PCDHA5: variants seen among roughly 807,000 people sequenced by gnomAD.
The protein encoded by PCDHA5 is protocadherin alpha-5.
Under a neutral mutation model 61.6 loss-of-function variants are expected in PCDHA5, and 43 were observed. The observed-to-expected ratio is 0.70, with a 90% CI of 0.55 to 0.90. The LOEUF is 0.90. PCDHA5 is among the 40% of genes least tolerant of loss of function. The pLI, the probability that PCDHA5 is intolerant of heterozygous loss-of-function variation, is 0.00. For missense variants in PCDHA5, 1,298 were observed against 1,222.7 expected (o/e 1.06, Z -0.92); for synonymous variants, 627 against 543.9 (o/e 1.15, Z -2.13).
intron 1 of PCDHA5, chr5:140,861,278 C>T (rs572060208): frequency 5.3e-4 from 99 of 185,718 alleles, no homozygotes; most frequent in African/African-American, 2.3e-3. Flanking sequence ...GCACTGGCTT[C>T]TGCTCCTTGA....
intron 1 of PCDHA5, among the ~76,000 whole-genome samples, chr5:140,962,643 T>G (rs1456773642): frequency 6.6e-6 from 1 of 152,222 alleles, no homozygotes; most frequent in Non-Finnish European, 1.5e-5. Context: ...GCCATCAAGT[T>G]ATGTGAAAAC....
chr5:140,964,585 T>C (rs1275209289), intron 1 of PCDHA5, among the ~76,000 whole-genome samples: 1 of 151,992 alleles, frequency 6.6e-6, no homozygotes, highest in Non-Finnish European at 1.5e-5. Flanking sequence ...GGAGGAAAGA[T>C]CACTTTTCAT....
At chr5:140,994,065 T>A (rs1563596985) in intron 3 of PCDHA5, among the ~76,000 whole-genome samples, 1 of 152,092 alleles carries the variant, frequency 6.6e-6, no homozygotes, top group Non-Finnish European at 1.5e-5. Context: ...ATAAATCTAA[T>A]GGTGAAGGGA....
chr5:140,880,407 C>T (rs1198132829), intron 1 of PCDHA5, among the ~76,000 whole-genome samples: 1 of 152,128 alleles, frequency 6.6e-6, no homozygotes, highest in Non-Finnish European at 1.5e-5. Context: ...ATATGGTTGA[C>T]CTTAAAAGCG....
intron 1 of PCDHA5, chr5:140,927,194 T>C (rs2083959275): frequency 1.2e-6 from 2 of 1,614,122 alleles, no homozygotes; most frequent in Non-Finnish European, 1.7e-6. Context: ...GACCTGGTGC[T>C]CGAGGACCCG....
chr5:140,919,957 G>GC (rs2079372992), intron 1 of PCDHA5, among the ~76,000 whole-genome samples: 1 of 148,640 alleles, frequency 6.7e-6, no homozygotes, highest in Non-Finnish European at 1.5e-5. Flanking sequence ...AGTTTGTTTT[G>GC]TTTTTTAAAT....
rs2150121071 is a variant in PCDHA5 at position 140,822,990 on chromosome 5, G to C, written c.1215G>C (p.Ser405=). Residue 405 remains serine (S), a synonymous_variant, in exon 1 of 4, where the codon TCG becomes TCC. Coordinates refer to ENST00000529859, the MANE Select transcript of PCDHA5 (RefSeq NM_018908.3). ...TGTCCACCTTCAAGAATTACTACTC[G>C]TTGGTGCTGGACAGCGCCCTGGACC... ...KLVSTFKNYY[S]LVLDSALDRE... is the part of the protein sequence containing the mutation. The C allele has an allele frequency of 1.2e-6, 2 of 1,614,184 alleles. No homozygotes were observed. Among genetic ancestry groups the C allele is most frequent in the Admixed American group, 1.7e-5 (1 of 60,036 alleles).
chr5:140,901,443 T>C (rs1288584501), intron 1 of PCDHA5, among the ~76,000 whole-genome samples: 2 of 152,202 alleles, frequency 1.3e-5, no homozygotes, highest in Non-Finnish European at 2.9e-5. Flanking sequence ...ATATCTAGTT[T>C]CCCAGCACAG....
At chr5:140,907,229 A>C (rs1562959472) in intron 1 of PCDHA5, among the ~76,000 whole-genome samples, 1 of 152,180 alleles carries the variant, frequency 6.6e-6, no homozygotes, top group Non-Finnish European at 1.5e-5. Flanking sequence ...AAGTATTGTC[A>C]CCTAGTTGAC....
intron 1 of PCDHA5, among the ~76,000 whole-genome samples, chr5:140,900,537 A>G (rs2068113323): frequency 6.6e-6 from 1 of 152,204 alleles, no homozygotes; most frequent in African/African-American, 2.4e-5. Context: ...TCGGCTTTCC[A>G]AAGTGCTGGG....
At chr5:140,828,988 G>A (rs2150161679) in intron 1 of PCDHA5, 6 of 1,613,982 alleles carry the variant, frequency 3.7e-6, no homozygotes, top group Non-Finnish European at 5.1e-6. Flanking sequence ...ATCGAAATAC[G>A]GGAGAAATAG....
At chr5:140,990,981 A>G (rs1554251870) in intron 3 of PCDHA5, among the ~76,000 whole-genome samples, 1 of 152,206 alleles carries the variant, frequency 6.6e-6, no homozygotes, top group Non-Finnish European at 1.5e-5. Context: ...AGAAAGGAAG[A>G]CAATAGCTAC....
chr5:140,968,363 G>A, intron 1 of PCDHA5: 1 of 1,614,090 alleles, frequency 6.2e-7, no homozygotes, highest in Non-Finnish European at 8.5e-7. Flanking sequence ...CAGCCTTTAT[G>A]CTGTCAACTC....
At position 140,836,012 on chromosome 5, in the gene PCDHA5, G is replaced by A. The variant is rs2150250608; in HGVS notation, c.2352+11885G>A. ...TGAGCGCGCGCGATGCGGGCGTGCC[G>A]CCTCTGGGCAGCAACGTGACGCTGC... On this transcript the variant is annotated intron_variant, in intron 1 of 3. Coordinates refer to ENST00000529859, the MANE Select transcript of PCDHA5 (RefSeq NM_018908.3). 1.8e-5 allele frequency: 29 copies of A among 1,613,192 alleles called. No individual in the cohort carries two copies. In the Admixed American group the frequency reaches 4.3e-4, roughly 24 times the overall value.
At chr5:140,868,864 A>C (rs1554162257) in intron 1 of PCDHA5, 10 of 549,766 alleles carry the variant, frequency 1.8e-5, no homozygotes, top group Non-Finnish European at 1.8e-5. Context: ...TGGTAAATGC[A>C]GTGCACAGTA....
chr5:140,924,887 C>A (rs528979895), intron 1 of PCDHA5, among the ~76,000 whole-genome samples: 1 of 126,448 alleles, frequency 7.9e-6, no homozygotes, highest in African/African-American at 3.2e-5. Flanking sequence ...AGAGCAAGAA[C>A]CTGTCTCAAA....
At chr5:141,006,837 TG>T (rs1477008780) in intron 3 of PCDHA5, among the ~76,000 whole-genome samples, 2 of 152,186 alleles carry the variant, frequency 1.3e-5, no homozygotes, top group African/African-American at 4.8e-5. Context: ...TGTAATTTAC[TG>T]AAACTGGAAA....
rs371906545 is a variant in PCDHA5, at chr5:140,875,244, A to C, written c.2352+51117A>C. 9 of 951,720 alleles carry C rather than the reference A, an allele frequency of 9.5e-6. No homozygotes were observed. The East Asian group carries it at 2.2e-4, about 24-fold the overall frequency. The allele number at this position is 951,720 out of a possible 1,614,324, so 59.0% of individuals were successfully genotyped here. A position where few individuals can be genotyped will look rare whatever the true frequency, so the allele number is the denominator to read the frequency against. ...TCAGGATCTTTCTTGTACTTACATA[A>C]TCAGTCACATGATGTCGCTCTACAC... On this transcript the variant is annotated intron_variant, in intron 1 of 3. Transcript: ENST00000529859.
rs190398483 is a variant in PCDHA5 at position 140,849,974 on chromosome 5, G to T, written c.2352+25847G>T. The T allele has an allele frequency of 6.3e-6, 10 of 1,597,556 alleles. 1 individual carries two copies. Among genetic ancestry groups the T allele is most frequent in the Admixed American group, 5.1e-5 (3 of 59,294 alleles). On this transcript the variant is annotated intron_variant, in intron 1 of 3. Coordinates refer to ENST00000529859, the MANE Select transcript of PCDHA5 (RefSeq NM_018908.3). ...AGGAGAACGCCCTGGTGTCCTACTC[G>T]CTGGTGGAGCGGCGGTTGGGCGAGC...
Sources: allele counts gnomAD v4.1 joint callset (sites outside exome capture counted in the v4.1 genomes callset), GRCh38; gene constraint gnomAD v4.1.1; transcripts MANE v1.5; gene names NCBI Gene and HGNC (gene_info 2026-07-23, HGNC 2026-07-21).